Variants in KYAT1 observed in about 807,000 individuals in gnomAD.
KYAT1 encodes the protein kynurenine--oxoglutarate transaminase 1.
KYAT1 carries 47 observed loss-of-function variants against 52.4 expected under a neutral mutation model. That is an observed-to-expected ratio of 0.90 (90% confidence interval 0.71 to 1.14). The LOEUF (loss-of-function observed/expected upper bound fraction) is 1.14. Among genes scored for constraint, KYAT1 ranks in the 50% most tolerant of loss-of-function variants. The probability of loss-of-function intolerance (pLI) is 0.00; values close to 1 mark genes in which losing one functional copy is unlikely to be tolerated. For missense variants in KYAT1, 480 were observed against 557.9 expected (o/e 0.86, Z 1.41); for synonymous variants, 212 against 209.6 (o/e 1.01, Z -0.10).
chr9:128,878,354 C>T (rs563635423), intron 1 of KYAT1, among the ~76,000 whole-genome samples: 20 of 152,008 alleles, frequency 1.3e-4, no homozygotes, highest in Non-Finnish European at 2.8e-4. Context: ...AGGTTGGTCT[C>T]GAACTCCTGA....
At chr9:128,860,867 C>T (rs951967066) in intron 1 of KYAT1, among the ~76,000 whole-genome samples, 13 of 151,938 alleles carry the variant, frequency 8.6e-5, no homozygotes, top group Admixed American at 3.3e-4. Flanking sequence ...CCGGCCCACA[C>T]GCATTTATTA....
intron 3 of KYAT1, among the ~76,000 whole-genome samples, chr9:128,839,030 C>G (rs760497067): frequency 1.8e-4 from 28 of 151,828 alleles, no homozygotes; most frequent in Non-Finnish European, 3.7e-4. Context: ...GTGGCACAAT[C>G]GCGGCTCCCT....
intron 2 of KYAT1, 25 bp downstream of exon 2, chr9:128,845,328 C>CA: frequency 6.2e-7 from 1 of 1,611,042 alleles, no homozygotes; most frequent in South Asian, 1.1e-5. Context: ...GACACCCACA[C>CA]ACCTCCCCAG....
In KYAT1 at chr9:128,837,815, TG is replaced by T; in HGVS notation, c.439-3del. ...CAGTTCTCCATTCTGGATGGGACCCTGCAAGAGCAGGTGGCATGGGGTGGTA... is the reference window on the plus strand; with the variant it reads ...CAGTTCTCCATTCTGGATGGGACCCTCAAGAGCAGGTGGCATGGGGTGGTA... On this transcript the variant is annotated splice_polypyrimidine_tract_variant and splice_region_variant and intron_variant, in intron 5 of 12. Coordinates refer to ENST00000302586, the MANE Select transcript of KYAT1 (RefSeq NM_004059.5). The T allele has an allele frequency of 6.2e-7, 1 of 1,613,984 alleles. No individual in the cohort carries two copies. Among genetic ancestry groups the T allele is most frequent in the Non-Finnish European group, 8.5e-7 (1 of 1,179,928 alleles).
upstream of KYAT1, chr9:128,882,457 C>T: frequency 2.8e-6 from 1 of 361,508 alleles, no homozygotes; most frequent in Non-Finnish European, 4.9e-6. Context: ...TTCTCGCCGG[C>T]TCCGCGGCGC....
chr9:128,842,048 TG>T lies in KYAT1; in HGVS notation c.201+605del, dbSNP rs900446696. On this transcript the variant is annotated intron_variant, in intron 3 of 12. Coordinates refer to ENST00000302586, the MANE Select transcript of KYAT1 (RefSeq NM_004059.5). ...AAATAAATATATAAATAAAATTAGCTGGGCATGGTGATGCACACCTGTAGTC... is the reference window on the plus strand; with the variant it reads ...AAATAAATATATAAATAAAATTAGCTGGCATGGTGATGCACACCTGTAGTC... 90 of 229,162 alleles carry T rather than the reference TG, an allele frequency of 3.9e-4. 1 individual carries two copies. The highest frequency in any genetic ancestry group is 2.0e-3 in the African/African-American group (87 of 42,584). The allele number at this position is 229,162 out of a possible 1,614,324, so 14.2% of individuals were successfully genotyped here. A position where few individuals can be genotyped will look rare whatever the true frequency, so the allele number is the denominator to read the frequency against.
intron 1 of KYAT1, among the ~76,000 whole-genome samples, chr9:128,877,043 C>A (rs1435560403): frequency 6.6e-6 from 1 of 152,052 alleles, no homozygotes; most frequent in African/African-American, 2.4e-5. Flanking sequence ...GGATTACAGG[C>A]ACCCACCATC....
intron 1 of KYAT1, among the ~76,000 whole-genome samples, chr9:128,848,249 G>T (rs952962731): frequency 8.8e-5 from 13 of 148,262 alleles, no homozygotes; most frequent in African/African-American, 2.7e-4. Flanking sequence ...ATCCTGGAGA[G>T]GTCAAGGCTA....
chr9:128,838,920 G>A (rs900200483), intron 3 of KYAT1, among the ~76,000 whole-genome samples: 3 of 151,708 alleles, frequency 2.0e-5, no homozygotes, highest in Non-Finnish European at 4.4e-5. Context: ...CCTCCCAGCA[G>A]CTTTGCGGGA....
Position 128,836,940 on chromosome 9 carries a change from G to C in KYAT1, c.568-18C>G, listed in dbSNP as rs772677512. 6.2e-7 allele frequency: 1 copy of C among 1,608,400 alleles called. No individual in the cohort carries two copies. Among genetic ancestry groups the C allele is most frequent in the South Asian group, 1.1e-5 (1 of 90,760 alleles). ...GAGAACACCTGCAGATGCCCAAGGA[G>C]AGCACAGACCTGCAGCTGGGACCGT... On this transcript the variant is annotated intron_variant, in intron 6 of 12. Coordinates refer to ENST00000302586, the MANE Select transcript of KYAT1 (RefSeq NM_004059.5).
At chr9:128,879,036 C>T (rs1040788417) in intron 1 of KYAT1, among the ~76,000 whole-genome samples, 1 of 152,150 alleles carries the variant, frequency 6.6e-6, no homozygotes, top group Non-Finnish European at 1.5e-5. Flanking sequence ...GGAGGCCGGG[C>T]GCGGTGGCTC....
At chr9:128,856,034 T>A (rs1033418622) in intron 1 of KYAT1, among the ~76,000 whole-genome samples, 1 of 152,214 alleles carries the variant, frequency 6.6e-6, no homozygotes, top group Non-Finnish European at 1.5e-5. Flanking sequence ...GCTTAGAATA[T>A]CTTTTTCAGT....
In KYAT1 at chr9:128,836,033, G is replaced by C. The variant is rs202011595; in HGVS notation, c.729C>G (p.Gly243=). 4.3e-5 allele frequency: 70 copies of C among 1,613,962 alleles called. No individual in the cohort carries two copies. The highest frequency in any genetic ancestry group is 5.7e-5 in the Non-Finnish European group (67 of 1,179,866). Residue 243 remains glycine (G), a synonymous_variant, in exon 8 of 13, where the codon GGC becomes GGG. Coordinates refer to ENST00000302586, the MANE Select transcript of KYAT1 (RefSeq NM_004059.5). ...PGMWERTLTI[G]SAGKTFSATG... is the part of the protein sequence containing the mutation. ...TGGCGCTGAAGGTCTTGCCGGCGCT[G>C]CCGATGGTCAGGGTCCGTTCCCACA...
At chr9:128,838,427 T>G in intron 3 of KYAT1, 60 bp from the exon 4 acceptor site, 1 of 1,602,434 alleles carries the variant, frequency 6.2e-7, no homozygotes. Flanking sequence ...CCGGCCCAGC[T>G]GTATCCAGGC....
intron 1 of KYAT1, among the ~76,000 whole-genome samples, chr9:128,878,485 C>A (rs748231701): frequency 1.3e-5 from 2 of 152,016 alleles, no homozygotes; most frequent in Non-Finnish European, 2.9e-5. Flanking sequence ...AATTAGTAAC[C>A]AAGCAAAATG....
intron 1 of KYAT1, among the ~76,000 whole-genome samples, chr9:128,864,365 CAA>C (rs35129459): frequency 4.6e-3 from 348 of 75,192 alleles, no homozygotes; most frequent in African/African-American, 0.018. Flanking sequence ...GACTCTGTCT[CAA>C]AAAAAAAAAA....
intron 1 of KYAT1, chr9:128,847,543 T>G (rs1178088829): frequency 1.3e-6 from 2 of 1,527,994 alleles, no homozygotes; most frequent in East Asian, 4.9e-5. Context: ...CCCAGAGCCT[T>G]GGGGCACTGC....
chr9:128,847,136 C>T (rs1364579955), intron 1 of KYAT1, among the ~76,000 whole-genome samples: 1 of 152,106 alleles, frequency 6.6e-6, no homozygotes, highest in Non-Finnish European at 1.5e-5. Context: ...CCCAGGAACC[C>T]CACCGCGCCT....
intron 1 of KYAT1, among the ~76,000 whole-genome samples, chr9:128,872,128 CAA>C (rs766267199): frequency 3.3e-4 from 19 of 57,230 alleles, no homozygotes; most frequent in Middle Eastern, 0.011. Context: ...AACTCTGTCT[CAA>C]AAAAAAAAAA....
Sources: allele counts gnomAD v4.1 joint callset (sites outside exome capture counted in the v4.1 genomes callset), GRCh38; gene constraint gnomAD v4.1.1; transcripts MANE v1.5; gene names NCBI Gene and HGNC (gene_info 2026-07-23, HGNC 2026-07-21).